RGS6: variants seen among roughly 807,000 people sequenced by gnomAD.
RGS6 encodes the protein regulator of G-protein signaling 6.
In RGS6, 30 loss-of-function variants were observed where a neutral mutation model predicts 78.5. That is an observed-to-expected ratio of 0.38 (90% CI 0.29 to 0.52). The LOEUF is 0.52. RGS6 is among the 20% of genes least tolerant of loss of function. The pLI is 0.85. For missense variants in RGS6, 495 were observed against 609.7 expected (o/e 0.81, Z 1.98); for synonymous variants, 206 against 206.0 (o/e 1.00, Z 0.00).
At chr14:72,429,740 C>T (rs1344819080) in intron 3 of RGS6, among the ~76,000 whole-genome samples, 1 of 152,202 alleles carries the variant, frequency 6.6e-6, no homozygotes, top group African/African-American at 2.4e-5. Flanking sequence ...TGTTAAAAGA[C>T]AGCTGATATG....
intron 3 of RGS6, among the ~76,000 whole-genome samples, chr14:72,369,776 T>C (rs2083103381): frequency 6.6e-6 from 1 of 152,212 alleles, no homozygotes; most frequent in Admixed American, 6.5e-5. Context: ...GTTTAAAATA[T>C]CTTTTGGATA....
chr14:72,405,870 T>C (rs2092880546), intron 3 of RGS6, among the ~76,000 whole-genome samples: 1 of 152,210 alleles, frequency 6.6e-6, no homozygotes, highest in African/African-American at 2.4e-5. Flanking sequence ...GTCACCCCCT[T>C]GTACCTTCTT....
chr14:72,111,093 T>G lies in RGS6; in HGVS notation c.84+146218T>G, dbSNP rs554853604. ...CTCTCCCGTTCTTTTCCTGACCACC[T>G]TGGCTGACAGCTCTTGGAGAAGAGG... On this transcript the variant is annotated intron_variant, in intron 2 of 17. Transcript: ENST00000553525. Among the ~76,000 whole-genome samples, 97 of 152,324 alleles carry G rather than the reference T, an allele frequency of 6.4e-4. 3 individuals are homozygous for G. The South Asian group carries it at 0.011, about 18-fold the overall frequency.
intron 2 of RGS6, among the ~76,000 whole-genome samples, chr14:72,215,229 T>C (rs2045275734): frequency 2.0e-5 from 3 of 152,196 alleles, no homozygotes; most frequent in Admixed American, 1.3e-4. Context: ...AAAAACTCAT[T>C]CTTGACTTCC....
At chr14:72,548,342 T>TGTGTGTGTGTGC (rs796698263) in intron 17 of RGS6, among the ~76,000 whole-genome samples, 7 of 134,830 alleles carry the variant, frequency 5.2e-5, no homozygotes, top group African/African-American at 1.9e-4. Context: ...TGTGTGTGTG[T>TGTGTGTGTGTGC]GCGCGCGTGT....
At chr14:71,956,571 G>A (rs1190398566) in intron 1 of RGS6, among the ~76,000 whole-genome samples, 1 of 152,070 alleles carries the variant, frequency 6.6e-6, no homozygotes, top group African/African-American at 2.4e-5. Context: ...AAGGGAGAAA[G>A]ATGTAGGCTG....
At chr14:72,144,256 T>G (rs1019513685) in intron 2 of RGS6, among the ~76,000 whole-genome samples, 2 of 152,202 alleles carry the variant, frequency 1.3e-5, no homozygotes, top group Non-Finnish European at 2.9e-5. Context: ...TCTTCCTACT[T>G]AATGTTGTTT....
chr14:72,303,466 A>G (rs1363260262), intron 2 of RGS6, among the ~76,000 whole-genome samples: 1 of 152,168 alleles, frequency 6.6e-6, no homozygotes, highest in East Asian at 1.9e-4. Context: ...GTGCCATTGC[A>G]CTCCAGCCTG....
At chr14:72,542,363 GAACT>G (rs1435664522) in intron 17 of RGS6, among the ~76,000 whole-genome samples, 12 of 152,330 alleles carry the variant, frequency 7.9e-5, no homozygotes, top group Admixed American at 2.0e-4. Context: ...TCATCAAACA[GAACT>G]AACTAACTGA....
chr14:72,120,536 C>A (rs1008050763), intron 2 of RGS6, among the ~76,000 whole-genome samples: 2 of 152,172 alleles, frequency 1.3e-5, no homozygotes, highest in African/African-American at 4.8e-5. Context: ...TCACCAGCAG[C>A]CTTATTCATA....
the RGS6 span, among the ~76,000 whole-genome samples, chr14:71,903,641 G>A: frequency 6.6e-6 from 1 of 152,146 alleles, no homozygotes; most frequent in African/African-American, 2.4e-5. Flanking sequence ...GAGGGTGGGA[G>A]GCCTGGAGCT....
chr14:72,182,958 A>G (rs1178816941), intron 2 of RGS6, among the ~76,000 whole-genome samples: 1 of 152,162 alleles, frequency 6.6e-6, no homozygotes, highest in Non-Finnish European at 1.5e-5. Flanking sequence ...ATGTAGTTTG[A>G]GTTACTTCCA....
intron 2 of RGS6, among the ~76,000 whole-genome samples, chr14:72,009,766 A>G (rs2085304559): frequency 6.6e-6 from 1 of 152,220 alleles, no homozygotes. Flanking sequence ...CTTCACAGCA[A>G]TAGGTAACTA....
chr14:72,317,280 A>G (rs1030836713), intron 2 of RGS6, among the ~76,000 whole-genome samples: 4 of 152,150 alleles, frequency 2.6e-5, no homozygotes, highest in Non-Finnish European at 5.9e-5. Context: ...GAATTATTTA[A>G]GACTTGCAGA....
At chr14:72,457,466 C>CT (rs1219759350) in intron 4 of RGS6, among the ~76,000 whole-genome samples, 165 of 146,216 alleles carry the variant, frequency 1.1e-3, no homozygotes, top group Non-Finnish European at 1.5e-3. Context: ...AAATTCTTAA[C>CT]TTTTTTTTTT....
intron 2 of RGS6, among the ~76,000 whole-genome samples, chr14:72,230,919 A>G (rs1031403792): frequency 2.0e-5 from 3 of 152,176 alleles, no homozygotes; most frequent in African/African-American, 7.2e-5. Flanking sequence ...CCAAGTTAAC[A>G]CATACATTGG....
the RGS6 span, among the ~76,000 whole-genome samples, chr14:71,905,498 T>C: frequency 7.2e-5 from 11 of 152,110 alleles, no homozygotes; most frequent in Non-Finnish European, 1.0e-4. Flanking sequence ...GTTTCTTTTC[T>C]CTTTTTTTTT....
At chr14:72,047,892 A>ATTTTTT (rs1470612017) in intron 2 of RGS6, among the ~76,000 whole-genome samples, 2 of 83,448 alleles carry the variant, frequency 2.4e-5, no homozygotes, top group Non-Finnish European at 2.2e-5. Context: ...TGCCCAGCTA[A>ATTTTTT]TTTTTGTTTT....
chr14:72,097,351 T>C (rs1402812220), intron 2 of RGS6, among the ~76,000 whole-genome samples: 1 of 151,734 alleles, frequency 6.6e-6, no homozygotes, highest in Non-Finnish European at 1.5e-5. Context: ...CTTAACAGCA[T>C]CTTTCTTTGT....
Sources: allele counts gnomAD v4.1 joint callset (sites outside exome capture counted in the v4.1 genomes callset), GRCh38; gene constraint gnomAD v4.1.1; transcripts MANE v1.5; gene names NCBI Gene and HGNC (gene_info 2026-07-23, HGNC 2026-07-21).